The following RBFOX1 variants were observed in gnomAD, a reference collection of about 807,000 sequenced individuals.
RBFOX1 encodes the protein RNA binding protein fox-1 homolog 1.
A neutral mutation model predicts 57.7 loss-of-function variants in RBFOX1; 8 were observed. The ratio of observed to expected loss-of-function variants is 0.14; its 90% CI spans 0.08 to 0.25. RBFOX1 has a LOEUF of 0.25. RBFOX1 is among the 10% of genes least tolerant of loss of function. The probability of loss-of-function intolerance (pLI) is 1.00; values close to 1 mark genes in which losing one functional copy is unlikely to be tolerated. For synonymous variants in RBFOX1, 326 were observed against 222.4 expected, an observed-to-expected ratio of 1.47 and a Z score of -4.15; for missense variants, 611 against 548.5, an observed-to-expected ratio of 1.11 and a Z score of -1.14.
chr16:5,932,265 T>C (rs2059076522), intron 4 of RBFOX1, among the ~76,000 whole-genome samples: 1 of 152,168 alleles, frequency 6.6e-6, no homozygotes, highest in Non-Finnish European at 1.5e-5. Context: ...GGTTTAAAGA[T>C]GGAAGGGCCG....
At position 6,175,750 on chromosome 16, in the gene RBFOX1, C is replaced by T. The variant is rs532059156; in HGVS notation, c.-126-141245C>T. Among the ~76,000 whole-genome samples, 166 of 152,166 alleles carry T rather than the reference C, an allele frequency of 1.1e-3. 2 individuals are homozygous for T. The highest frequency in any genetic ancestry group is 2.1e-3 in the Non-Finnish European group (145 of 68,032). ...ATTGGTGCCGCTGCTGCTGGTTGTA[C>T]TGGTCTGTGGACTGCACTTTGAGTA... is the stretch of plus-strand genomic sequence containing the variant. On this transcript the variant is annotated intron_variant, in intron 1 of 15. Transcript: ENST00000550418.
chr16:6,565,279 CAG>C (rs962601123), intron 2 of RBFOX1, among the ~76,000 whole-genome samples: 4 of 143,778 alleles, frequency 2.8e-5, no homozygotes, highest in African/African-American at 1.0e-4. Flanking sequence ...TTGTCTGAGA[CAG>C]AGTCTCACTC....
At chr16:6,609,294 A>G (rs945887829) in intron 2 of RBFOX1, among the ~76,000 whole-genome samples, 1 of 152,118 alleles carries the variant, frequency 6.6e-6, no homozygotes, top group African/African-American at 2.4e-5. Context: ...GGAGTGTAGT[A>G]TGTTCTGTAG....
intron 3 of RBFOX1, among the ~76,000 whole-genome samples, chr16:5,845,152 G>A (rs2056723521): frequency 6.7e-6 from 1 of 149,884 alleles, no homozygotes; most frequent in South Asian, 2.1e-4. Flanking sequence ...AATTAATGAT[G>A]AAGCAGGGTA....
intron 3 of RBFOX1, among the ~76,000 whole-genome samples, chr16:6,870,952 A>C (rs1174698278): frequency 6.6e-6 from 1 of 152,202 alleles, no homozygotes; most frequent in Non-Finnish European, 1.5e-5. Flanking sequence ...AAGTGTCCAT[A>C]TTCCTGTAGA....
At chr16:5,954,890 G>A (rs56126436) in intron 4 of RBFOX1, among the ~76,000 whole-genome samples, 15,748 of 151,724 alleles carry the variant, frequency 0.1, 1,013 homozygotes, top group Middle Eastern at 0.25. Context: ...TGAAATTTAG[G>A]CAAGGGTCTC....
At chr16:6,977,417 A>G (rs1031949256) in intron 3 of RBFOX1, among the ~76,000 whole-genome samples, 1 of 152,010 alleles carries the variant, frequency 6.6e-6, no homozygotes, top group Non-Finnish European at 1.5e-5. Context: ...TTTAGCAAAC[A>G]TTATTTACTT....
intron 4 of RBFOX1, among the ~76,000 whole-genome samples, chr16:7,222,615 G>A (rs968313323): frequency 2.6e-5 from 4 of 152,146 alleles, no homozygotes; most frequent in African/African-American, 4.8e-5. Context: ...CCTCTCTGCC[G>A]CTTATGATCT....
At chr16:7,449,140 G>C (rs975181285) in intron 4 of RBFOX1, among the ~76,000 whole-genome samples, 2 of 151,952 alleles carry the variant, frequency 1.3e-5, no homozygotes, top group Admixed American at 1.3e-4. Flanking sequence ...TGTTGGTCAG[G>C]CTGGTCTCGA....
At chr16:6,976,320 A>G (rs990667894) in intron 3 of RBFOX1, among the ~76,000 whole-genome samples, 1 of 152,062 alleles carries the variant, frequency 6.6e-6, no homozygotes, top group Admixed American at 6.6e-5. Flanking sequence ...TAGAGGCCAC[A>G]CTCTAAATTT....
At chr16:5,800,801 G>A (rs1597308472) in intron 3 of RBFOX1, among the ~76,000 whole-genome samples, 2 of 152,212 alleles carry the variant, frequency 1.3e-5, no homozygotes, top group South Asian at 4.1e-4. Flanking sequence ...AGTGCCATTG[G>A]ATCCCTTTTC....
At chr16:6,987,155 A>T (rs1229457325) in intron 3 of RBFOX1, among the ~76,000 whole-genome samples, 1 of 152,072 alleles carries the variant, frequency 6.6e-6, no homozygotes, top group Non-Finnish European at 1.5e-5. Flanking sequence ...TCAGTCAGAG[A>T]GCAGCATTTT....
chr16:5,974,111 G>A (rs1224732986), intron 4 of RBFOX1, among the ~76,000 whole-genome samples: 2 of 152,216 alleles, frequency 1.3e-5, no homozygotes. Flanking sequence ...AGCCCAGTGA[G>A]AATAGAATAC....
At chr16:6,960,040 C>A (rs1413315175) in intron 3 of RBFOX1, among the ~76,000 whole-genome samples, 1 of 152,000 alleles carries the variant, frequency 6.6e-6, no homozygotes, top group African/African-American at 2.4e-5. Flanking sequence ...TTTCCTAGGC[C>A]TTGAAACATG....
chr16:6,681,872 A>G (rs1424141581), intron 3 of RBFOX1, among the ~76,000 whole-genome samples: 1 of 152,170 alleles, frequency 6.6e-6, no homozygotes, highest in South Asian at 2.1e-4. Flanking sequence ...AATCCAGTAA[A>G]TCTTTAGTCT....
intron 4 of RBFOX1, among the ~76,000 whole-genome samples, chr16:5,977,887 G>C (rs1286356732): frequency 6.6e-6 from 1 of 151,988 alleles, no homozygotes; most frequent in Non-Finnish European, 1.5e-5. Flanking sequence ...CACAGGCTTA[G>C]ACAGTTTTTT....
At chr16:7,502,129 A>G (rs972784760) in intron 4 of RBFOX1, among the ~76,000 whole-genome samples, 1 of 152,160 alleles carries the variant, frequency 6.6e-6, no homozygotes, top group Non-Finnish European at 1.5e-5. Flanking sequence ...ATGAGAGGCT[A>G]AAACTTATGC....
chr16:6,206,242 T>C (rs2097254632), intron 1 of RBFOX1, among the ~76,000 whole-genome samples: 2 of 152,102 alleles, frequency 1.3e-5, no homozygotes, highest in East Asian at 1.9e-4. Flanking sequence ...GCCAGGCTCT[T>C]TCCCGCTGCC....
At chr16:6,855,711 G>T (rs146069357) in intron 3 of RBFOX1, among the ~76,000 whole-genome samples, 2 of 151,342 alleles carry the variant, frequency 1.3e-5, no homozygotes, top group East Asian at 3.9e-4. Context: ...TCGAAACCTT[G>T]ATTGCACTTC....
Sources: allele counts gnomAD v4.1 joint callset (sites outside exome capture counted in the v4.1 genomes callset), GRCh38; gene constraint gnomAD v4.1.1; transcripts MANE v1.5; gene names NCBI Gene and HGNC (gene_info 2026-07-23, HGNC 2026-07-21).